CLDN14: variants seen among roughly 807,000 people sequenced by gnomAD.
CLDN14 encodes claudin 14.
A neutral mutation model predicts 2.1 loss-of-function variants in CLDN14; 2 were observed. That is an observed-to-expected ratio of 0.96 (90% CI 0.39 to 3.01). CLDN14 has a LOEUF of 3.01. Ranked by LOEUF, CLDN14 falls within the 30% of genes most tolerant of loss-of-function variation. The pLI is 0.09. For synonymous variants in CLDN14, 136 were observed against 154.4 expected (o/e 0.88, Z 0.88); for missense variants, 298 against 328.0 (o/e 0.91, Z 0.71).
chr21:36,526,927 A>G (rs2087335530), intron 1 of CLDN14, among the ~76,000 whole-genome samples: 1 of 152,220 alleles, frequency 6.6e-6, no homozygotes, highest in Non-Finnish European at 1.5e-5. Flanking sequence ...GGGATGTTGA[A>G]TGGCAAAATC....
intron 1 of CLDN14, among the ~76,000 whole-genome samples, chr21:36,478,918 G>T (rs2086810335): frequency 6.6e-6 from 1 of 152,122 alleles, no homozygotes; most frequent in Non-Finnish European, 1.5e-5. Context: ...AAATTGCATG[G>T]CATTTCTCCT....
At chr21:36,530,150 T>C (rs1170943792) in intron 1 of CLDN14, among the ~76,000 whole-genome samples, 1 of 152,220 alleles carries the variant, frequency 6.6e-6, no homozygotes, top group Non-Finnish European at 1.5e-5. Flanking sequence ...AAACAAACCC[T>C]TGTAGATAGA....
At chr21:36,515,789 CT>C (rs1555850517) in intron 1 of CLDN14, among the ~76,000 whole-genome samples, 31 of 115,306 alleles carry the variant, frequency 2.7e-4, no homozygotes, top group Admixed American at 1.5e-3. Context: ...TTTATCTTCT[CT>C]TTTTTTTTTT....
At chr21:36,573,887 A>G (rs538344195) in intron 1 of CLDN14, among the ~76,000 whole-genome samples, 2 of 152,342 alleles carry the variant, frequency 1.3e-5, no homozygotes, top group South Asian at 4.1e-4. Flanking sequence ...CATAAAAACT[A>G]TAAGACATTT....
chr21:36,573,861 A>G (rs969774488), intron 1 of CLDN14, among the ~76,000 whole-genome samples: 2 of 152,212 alleles, frequency 1.3e-5, no homozygotes, highest in African/African-American at 4.8e-5. Context: ...CTAATAAAAT[A>G]TGTATAAGAC....
chr21:36,465,818 C>T (rs2086639147), intron 1 of CLDN14, among the ~76,000 whole-genome samples: 1 of 152,188 alleles, frequency 6.6e-6, no homozygotes, highest in Non-Finnish European at 1.5e-5. Flanking sequence ...AATAGGGTTC[C>T]AAGCATCAAG....
upstream of CLDN14, among the ~76,000 whole-genome samples, chr21:36,483,860 C>T (rs1328034948): frequency 1.3e-5 from 2 of 152,186 alleles, no homozygotes; most frequent in African/African-American, 2.4e-5. Context: ...GGAGGAGTCT[C>T]CTTCCCTCCC....
At chr21:36,506,162 C>T (rs1179048157) in intron 2 of CLDN14, among the ~76,000 whole-genome samples, 1 of 152,220 alleles carries the variant, frequency 6.6e-6, no homozygotes, top group Non-Finnish European at 1.5e-5. Context: ...AACTACGGTA[C>T]ATCCACACAG....
In CLDN14 at chr21:36,499,040, T is replaced by A. The variant is rs1260668058; in HGVS notation, c.-82+11323A>T. On this transcript the variant is annotated intron_variant, in intron 2 of 2. Coordinates refer to the CLDN14 transcript ENST00000342108. The surrounding 1 kb of genome is among the most constrained non-coding windows in gnomAD (Gnocchi z 4.7). ...TGGCCAGTTTCAGGGCACATGACAA[T>A]CACCGATATGACAGAAGGGTAACCT... is the stretch of plus-strand genomic sequence containing the variant. 1.3e-5 allele frequency among the ~76,000 whole-genome samples: 2 copies of A among 152,130 alleles called. No homozygotes were observed. Among genetic ancestry groups the A allele is most frequent in the African/African-American group, 4.8e-5 (2 of 41,428 alleles).
intron 1 of CLDN14, chr21:36,466,555 C>T (rs990569644): frequency 1.3e-5 from 2 of 152,168 alleles, no homozygotes; most frequent in African/African-American, 2.4e-5. Flanking sequence ...TGGAAACCAC[C>T]GACATGATTC....
chr21:36,540,501 G>A (rs962928518), intron 1 of CLDN14, among the ~76,000 whole-genome samples: 3 of 152,308 alleles, frequency 2.0e-5, no homozygotes, highest in East Asian at 3.9e-4. Flanking sequence ...AATCAATGGG[G>A]TGCAGTTGAA....
At chr21:36,484,782 T>C (rs2086878467), upstream of CLDN14, among the ~76,000 whole-genome samples, 1 of 152,222 alleles carries the variant, frequency 6.6e-6, no homozygotes, top group African/African-American at 2.4e-5. Flanking sequence ...GGCGTGATCT[T>C]GGCTCACCGC....
intron 1 of CLDN14, among the ~76,000 whole-genome samples, chr21:36,539,565 AGTGT>A (rs1478333247): frequency 9.7e-6 from 1 of 103,112 alleles, no homozygotes; most frequent in Non-Finnish European, 2.0e-5. Context: ...GTGTGGAGTG[AGTGT>A]GTGCAGTTTG....
intron 1 of CLDN14, among the ~76,000 whole-genome samples, chr21:36,568,519 C>T (rs1035593802): frequency 7.2e-5 from 11 of 152,152 alleles, no homozygotes; most frequent in Admixed American, 2.0e-4. Context: ...GGGACAGTTC[C>T]GACAAAGTAA....
At chr21:36,573,721 A>G (rs1352983147) in intron 1 of CLDN14, among the ~76,000 whole-genome samples, 2 of 152,204 alleles carry the variant, frequency 1.3e-5, no homozygotes, top group Non-Finnish European at 2.9e-5. Context: ...TAACAAGGCT[A>G]TAATATACAA....
intron 1 of CLDN14, among the ~76,000 whole-genome samples, chr21:36,535,062 A>C (rs1489635291): frequency 6.6e-6 from 1 of 152,236 alleles, no homozygotes; most frequent in African/African-American, 2.4e-5. Flanking sequence ...ATTACAGTGC[A>C]TTGATTCAAT....
At chr21:36,503,656 G>C (rs2087107605) in intron 2 of CLDN14, among the ~76,000 whole-genome samples, 1 of 152,084 alleles carries the variant, frequency 6.6e-6, no homozygotes, top group Non-Finnish European at 1.5e-5. Context: ...CCAGTCTTGG[G>C]TATGTCTTTA....
chr21:36,516,509 G>A (rs569776128), intron 1 of CLDN14, among the ~76,000 whole-genome samples: 56 of 152,176 alleles, frequency 3.7e-4, no homozygotes, highest in Non-Finnish European at 7.3e-4. Flanking sequence ...CAGCCATCTG[G>A]AACTTCCTCT....
chr21:36,530,783 G>C (rs1376871278), intron 1 of CLDN14, among the ~76,000 whole-genome samples: 1 of 152,142 alleles, frequency 6.6e-6, no homozygotes, highest in Non-Finnish European at 1.5e-5. Flanking sequence ...GGGAGTTTGG[G>C]AGGGAGATGG....
Sources: allele counts gnomAD v4.1 joint callset (sites outside exome capture counted in the v4.1 genomes callset), GRCh38; gene constraint gnomAD v4.1.1; non-coding constraint Gnocchi (gnomAD v3.1); transcripts MANE v1.5; gene names NCBI Gene and HGNC (gene_info 2026-07-23, HGNC 2026-07-21).